DMD: variants seen among roughly 807,000 people sequenced by gnomAD.
DMD encodes mutant dystrophin.
Under a neutral mutation model 330.1 loss-of-function variants are expected in DMD, and 63 were observed. That is an observed-to-expected ratio of 0.19 (90% CI 0.16 to 0.24). The LOEUF (loss-of-function observed/expected upper bound fraction) is 0.24. DMD is among the 10% of genes least tolerant of loss of function. DMD has a pLI of 1.00. For missense variants in DMD, 3,344 were observed against 2,684.1 expected, an observed-to-expected ratio of 1.25 and a Z score of -5.43; for synonymous variants, 1,223 against 959.8, an observed-to-expected ratio of 1.27 and a Z score of -5.07.
Position 32,149,430 on chromosome X carries a change from T to C in DMD, c.6438+67486A>G, listed in dbSNP as rs2096794244. Among the ~76,000 whole-genome samples, 4 of 112,305 alleles carry C rather than the reference T, an allele frequency of 3.6e-5. No homozygotes were observed. The South Asian group carries it at 1.5e-3, about 41-fold the overall frequency. ...ATATCATTTCATTCGTTTTTAAGTC[T>C]ACTCTATGAGATAAGTAGCATTATT... On this transcript the variant is annotated intron_variant, in intron 44 of 78. Coordinates refer to ENST00000357033, the MANE Select transcript of DMD (RefSeq NM_004006.3).
chrX:32,645,211 A>G, intron 9 of DMD, 59 bp from the exon 10 acceptor site: 2 of 1,116,321 alleles, frequency 1.8e-6, no homozygotes, highest in Admixed American at 4.5e-5. Flanking sequence ...TTGTTCCAGT[A>G]CATTAAATGA....
chrX:32,205,003 TCTCACATA>T (rs1442594560), intron 44 of DMD, among the ~76,000 whole-genome samples: 12 of 34,723 alleles, frequency 3.5e-4, no homozygotes, highest in African/African-American at 1.2e-3. Flanking sequence ...TCTCTCTCTC[TCTCACATA>T]CACACACACA....
chrX:33,056,179 C>T (rs1389626422), intron 1 of DMD, among the ~76,000 whole-genome samples: 2 of 110,402 alleles, frequency 1.8e-5, no homozygotes, highest in Admixed American at 9.8e-5. Flanking sequence ...CCCAGGCTGC[C>T]TACAGCAAGA....
intron 12 of DMD, among the ~76,000 whole-genome samples, chrX:32,612,339 C>T (rs1336169030): frequency 8.9e-6 from 1 of 111,894 alleles, no homozygotes; most frequent in East Asian, 2.8e-4. Flanking sequence ...CAGAAATACC[C>T]TCCGGTAGAG....
chrX:31,723,905 C>T (rs1442662625), intron 52 of DMD, among the ~76,000 whole-genome samples: 1 of 111,860 alleles, frequency 8.9e-6, no homozygotes, highest in Non-Finnish European at 1.9e-5. Context: ...AAGCACCTAT[C>T]CTAAACTGCC....
chrX:32,679,844 A>C (rs2062245739), intron 9 of DMD, among the ~76,000 whole-genome samples: 1 of 106,787 alleles, frequency 9.4e-6, no homozygotes, highest in Non-Finnish European at 1.9e-5. Flanking sequence ...CTGAGACTGA[A>C]ACTGACACAA....
intron 15 of DMD, among the ~76,000 whole-genome samples, chrX:32,568,848 G>C: frequency 8.9e-6 from 1 of 111,905 alleles, no homozygotes; most frequent in Non-Finnish European, 1.9e-5. Flanking sequence ...GAATTACCTT[G>C]TCCTGTCTAT....
intron 44 of DMD, among the ~76,000 whole-genome samples, chrX:32,184,572 G>A (rs937530686): frequency 1.8e-5 from 2 of 111,061 alleles, no homozygotes; most frequent in African/African-American, 6.5e-5. Flanking sequence ...TTACCAAAAC[G>A]TATTTTTAAT....
At chrX:31,432,091 G>A (rs1283020655) in intron 60 of DMD, among the ~76,000 whole-genome samples, 1 of 112,058 alleles carries the variant, frequency 8.9e-6, no homozygotes, top group Non-Finnish European at 1.9e-5. Context: ...GGGACCACAG[G>A]TGTGAGCCAC....
At chrX:31,958,679 G>T (rs1020647903) in intron 45 of DMD, among the ~76,000 whole-genome samples, 1 of 111,610 alleles carries the variant, frequency 9.0e-6, no homozygotes, top group Non-Finnish European at 1.9e-5. Flanking sequence ...TTGTTTACTG[G>T]TTAGCAAATT....
At chrX:33,199,512 G>T (rs745336385) in intron 1 of DMD, among the ~76,000 whole-genome samples, 37 of 111,225 alleles carry the variant, frequency 3.3e-4, no homozygotes, top group Non-Finnish European at 6.6e-4. Context: ...CATTTAGAGG[G>T]AGGTGACTAT....
chrX:32,772,335 C>T (rs1185676973), intron 7 of DMD, among the ~76,000 whole-genome samples: 1 of 112,658 alleles, frequency 8.9e-6, no homozygotes, highest in Non-Finnish European at 1.9e-5. Flanking sequence ...CTACATCTCC[C>T]TTTCCTAACC....
chrX:32,742,141 C>A (rs2069363079), intron 7 of DMD, among the ~76,000 whole-genome samples: 1 of 111,580 alleles, frequency 9.0e-6, no homozygotes, highest in Admixed American at 9.6e-5. Context: ...ACACAGCTAC[C>A]ACCCATTCCC....
intron 43 of DMD, among the ~76,000 whole-genome samples, chrX:32,252,996 C>T (rs1035081844): frequency 1.2e-4 from 11 of 90,503 alleles, no homozygotes; most frequent in Admixed American, 2.9e-4. Context: ...TTATATTCAA[C>T]GGTAAATGGT....
chrX:32,962,279 T>G (rs2091930146), intron 2 of DMD, among the ~76,000 whole-genome samples: 1 of 111,939 alleles, frequency 8.9e-6, no homozygotes, highest in African/African-American at 3.2e-5. Context: ...CACATTAAGG[T>G]TATGCTTTTG....
intron 12 of DMD, among the ~76,000 whole-genome samples, chrX:32,600,350 T>A (rs998682986): frequency 9.0e-5 from 10 of 111,477 alleles, no homozygotes; most frequent in Non-Finnish European, 1.9e-4. Context: ...CAATAATTAA[T>A]CGAAAGGCAG....
chrX:32,363,283 A>T (rs903602914), intron 36 of DMD, among the ~76,000 whole-genome samples: 2 of 111,957 alleles, frequency 1.8e-5, no homozygotes, highest in Admixed American at 9.5e-5. Flanking sequence ...TGTTGCAACT[A>T]TCATAATATA....
chrX:32,678,184 A>C (rs1482233396), intron 9 of DMD, among the ~76,000 whole-genome samples: 1 of 112,068 alleles, frequency 8.9e-6, no homozygotes, highest in Non-Finnish European at 1.9e-5. Flanking sequence ...TCTGCTACAC[A>C]ACGTTGTCTC....
At chrX:32,411,368 A>C (rs1033042848) in intron 30 of DMD, among the ~76,000 whole-genome samples, 1 of 110,843 alleles carries the variant, frequency 9.0e-6, no homozygotes, top group African/African-American at 3.3e-5. Flanking sequence ...TGACATTGTG[A>C]TTCGTGGGCC....
Sources: allele counts gnomAD v4.1 joint callset (sites outside exome capture counted in the v4.1 genomes callset), GRCh38; gene constraint gnomAD v4.1.1; transcripts MANE v1.5; gene names NCBI Gene and HGNC (gene_info 2026-07-23, HGNC 2026-07-21).